The following KCNIP1 variants were observed in gnomAD, a reference collection of about 807,000 sequenced individuals.
The protein encoded by KCNIP1 is potassium voltage-gated channel interacting protein 1.
In KCNIP1, 18 loss-of-function variants were observed where a neutral mutation model predicts 33.0. That is an observed-to-expected ratio of 0.55 (90% confidence interval 0.38 to 0.81). The LOEUF is 0.81. Ranked by LOEUF, KCNIP1 falls within the 30% of genes least tolerant of loss-of-function variation. The pLI is 0.00. For missense variants in KCNIP1, 238 were observed against 271.6 expected (o/e 0.88, Z 0.87); for synonymous variants, 93 against 98.3 (o/e 0.95, Z 0.32).
intron 1 of KCNIP1, among the ~76,000 whole-genome samples, chr5:170,556,487 G>T (rs1030005539): frequency 1.3e-5 from 2 of 152,172 alleles, no homozygotes; most frequent in Non-Finnish European, 2.9e-5. Context: ...TCCCTTTCTG[G>T]TCAGGGACCC....
At chr5:170,608,473 A>T (rs891216429) in intron 1 of KCNIP1, among the ~76,000 whole-genome samples, 3 of 152,210 alleles carry the variant, frequency 2.0e-5, no homozygotes, top group African/African-American at 7.2e-5. Context: ...ATGAAGATGA[A>T]ATTAACACAA....
intron 1 of KCNIP1, among the ~76,000 whole-genome samples, chr5:170,366,952 G>A (rs568308999): frequency 1.3e-5 from 2 of 152,286 alleles, no homozygotes; most frequent in South Asian, 2.1e-4. Flanking sequence ...CTTTTCTTAA[G>A]CTCCAGGCCT....
intron 1 of KCNIP1, among the ~76,000 whole-genome samples, chr5:170,423,287 GTT>G (rs35494389): frequency 7.4e-4 from 108 of 145,820 alleles, no homozygotes; most frequent in African/African-American, 1.8e-3. Context: ...TTTCTTTCTT[GTT>G]TTTTTTTTTT....
chr5:170,684,501 T>A (rs1376066624), intron 1 of KCNIP1, among the ~76,000 whole-genome samples: 1 of 152,222 alleles, frequency 6.6e-6, no homozygotes, highest in Non-Finnish European at 1.5e-5. Context: ...AAATAATACA[T>A]CAGTATTTGG....
At chr5:170,640,159 C>CT (rs1760482172) in intron 1 of KCNIP1, among the ~76,000 whole-genome samples, 6 of 152,178 alleles carry the variant, frequency 3.9e-5, no homozygotes, top group Admixed American at 3.3e-4. Flanking sequence ...AGCTGGGGAA[C>CT]AGGGAGGTCC....
intron 1 of KCNIP1, chr5:170,483,288 A>G: frequency 7.3e-6 from 2 of 274,878 alleles, no homozygotes; most frequent in Non-Finnish European, 1.4e-5. Flanking sequence ...GAAAGCCAAC[A>G]TTCCCTCCCC....
intron 1 of KCNIP1, among the ~76,000 whole-genome samples, chr5:170,494,152 T>C (rs1757265022): frequency 6.6e-6 from 1 of 152,184 alleles, no homozygotes; most frequent in South Asian, 2.1e-4. Flanking sequence ...ACCACATCAA[T>C]TTCTCATTGC....
At chr5:170,691,324 C>A (rs1399765810) in intron 1 of KCNIP1, among the ~76,000 whole-genome samples, 1 of 152,182 alleles carries the variant, frequency 6.6e-6, no homozygotes, top group Admixed American at 6.5e-5. Flanking sequence ...GATCACTGAG[C>A]CTCTGGTATC....
intron 5 of KCNIP1, among the ~76,000 whole-genome samples, chr5:170,725,578 A>AAG (rs1561785824): frequency 6.6e-6 from 1 of 152,190 alleles, no homozygotes; most frequent in Non-Finnish European, 1.5e-5. Context: ...AAAAAATAGA[A>AAG]TGAATGAATA....
rs372538602 is a variant in KCNIP1 at position 170,367,349 on chromosome 5, A to AGGAAAGAAGGAAGGAAGGAAAG, written c.88+13385_88+13386insGGAAAGAAGGAAGGAAGGAAAG. On this transcript the variant is annotated intron_variant, in intron 1 of 7. Transcript: ENST00000377360. Reference sequence around the variant, plus strand: ...GAAGAAAGAAGGAAAGAAGGAAAGAAAAAGAAAGAAAGAAAGAAAGAAAGA... The same window carrying AGGAAAGAAGGAAGGAAGGAAAG: ...GAAGAAAGAAGGAAAGAAGGAAAGAAGGAAAGAAGGAAGGAAGGAAAGAAAGAAAGAAAGAAAGAAAGAAAGA... Among the ~76,000 whole-genome samples the AGGAAAGAAGGAAGGAAGGAAAG allele has an allele frequency of 2.1e-4, 16 of 76,946 alleles. 1 individual carries two copies. The highest frequency in any genetic ancestry group is 7.9e-4 in the Admixed American group (5 of 6,366). The allele number at this position is 76,946 out of a possible 152,430, so 50.5% of individuals were successfully genotyped here.
intron 1 of KCNIP1, among the ~76,000 whole-genome samples, chr5:170,566,688 C>G (rs1757217407): frequency 6.6e-6 from 1 of 152,054 alleles, no homozygotes; most frequent in African/African-American, 2.4e-5. Flanking sequence ...AGGCATGGAT[C>G]AAAGCAAAAA....
intron 1 of KCNIP1, among the ~76,000 whole-genome samples, chr5:170,457,415 A>G (rs1756409154): frequency 6.6e-6 from 1 of 152,092 alleles, no homozygotes; most frequent in African/African-American, 2.4e-5. Context: ...GAACCCACAG[A>G]CCCTCTGAAG....
At chr5:170,487,967 T>C (rs1757133200) in intron 1 of KCNIP1, among the ~76,000 whole-genome samples, 1 of 152,104 alleles carries the variant, frequency 6.6e-6, no homozygotes, top group South Asian at 2.1e-4. Context: ...TTCCACTCAT[T>C]CCTCAAGAGT....
At chr5:170,359,591 C>G (rs373607056) in intron 1 of KCNIP1, among the ~76,000 whole-genome samples, 9 of 152,176 alleles carry the variant, frequency 5.9e-5, no homozygotes, top group Admixed American at 3.3e-4. Context: ...CCTCTGAGTG[C>G]CAGTGCTTTG....
chr5:170,482,611 C>T (rs543329570), intron 1 of KCNIP1, among the ~76,000 whole-genome samples: 2 of 152,236 alleles, frequency 1.3e-5, no homozygotes, highest in Non-Finnish European at 2.9e-5. Context: ...TTTGAGGAAT[C>T]ACTCTCCCCA....
intron 1 of KCNIP1, among the ~76,000 whole-genome samples, chr5:170,399,224 C>T (rs314132): frequency 0.032 from 4,931 of 152,262 alleles, 166 homozygotes; most frequent in African/African-American, 0.085. Flanking sequence ...TTAAGATATC[C>T]GGACATTGTA....
At chr5:170,355,401 C>A (rs1379114065) in intron 1 of KCNIP1, among the ~76,000 whole-genome samples, 1 of 152,208 alleles carries the variant, frequency 6.6e-6, no homozygotes, top group Admixed American at 6.5e-5. Flanking sequence ...GGAAGGTTTT[C>A]TTTCCTCATT....
intron 1 of KCNIP1, among the ~76,000 whole-genome samples, chr5:170,656,182 T>C (rs1488754097): frequency 6.6e-6 from 1 of 152,238 alleles, no homozygotes; most frequent in East Asian, 1.9e-4. Flanking sequence ...AAAGCTTCAG[T>C]TGATGGAGTG....
At chr5:170,681,665 C>G (rs1487698989) in intron 1 of KCNIP1, among the ~76,000 whole-genome samples, 2 of 152,182 alleles carry the variant, frequency 1.3e-5, no homozygotes, top group Non-Finnish European at 2.9e-5. Context: ...TAATAAATGT[C>G]AGTTTCTTTG....
Sources: gnomAD v4.1 joint callset for allele counts (sites outside exome capture counted in the v4.1 genomes callset) on GRCh38, gnomAD v4.1.1 for gene constraint, MANE v1.5 for transcripts, NCBI Gene and HGNC (gene_info 2026-07-23, HGNC 2026-07-21) for gene names.